Variants in PTPRD observed in about 807,000 individuals in gnomAD.
PTPRD encodes protein tyrosine phosphatase receptor type D.
PTPRD carries 34 observed loss-of-function variants against 214.5 expected under a neutral mutation model. That is an observed-to-expected ratio of 0.16 (90% CI 0.12 to 0.21). The LOEUF is 0.21. Ranked by LOEUF, PTPRD falls within the 10% of genes least tolerant of loss-of-function variation. The pLI is 1.00. For missense variants in PTPRD, 2,545 were observed against 2,398.7 expected (o/e 1.06, Z -1.27); for synonymous variants, 1,128 against 845.7 (o/e 1.33, Z -5.79).
chr9:8,632,155 G>A (rs1249807773), intron 14 of PTPRD, among the ~76,000 whole-genome samples: 1 of 151,046 alleles, frequency 6.6e-6, no homozygotes, highest in Admixed American at 6.6e-5. Context: ...GTGTCTGTGT[G>A]TGTGTGTGTT....
intron 8 of PTPRD, among the ~76,000 whole-genome samples, chr9:9,454,110 T>A (rs941703761): frequency 1.3e-5 from 2 of 151,760 alleles, no homozygotes; most frequent in Admixed American, 6.6e-5. Context: ...ATGTTTACTA[T>A]GTAAAATGAG....
At chr9:9,126,964 T>A (rs760429417) in intron 10 of PTPRD, among the ~76,000 whole-genome samples, 1 of 151,688 alleles carries the variant, frequency 6.6e-6, no homozygotes, top group Admixed American at 6.6e-5. Flanking sequence ...CAGGATGCCA[T>A]CCCATCGCAG....
At chr9:10,607,774 G>A (rs73642030) in intron 2 of PTPRD, among the ~76,000 whole-genome samples, 12,258 of 151,800 alleles carry the variant, frequency 0.081, 1,142 homozygotes, top group African/African-American at 0.22. Context: ...AGAAAAGCAA[G>A]CATTTAAAAT....
At chr9:9,827,746 G>C (rs1314141877) in intron 5 of PTPRD, among the ~76,000 whole-genome samples, 1 of 152,052 alleles carries the variant, frequency 6.6e-6, no homozygotes, top group Non-Finnish European at 1.5e-5. Context: ...GAAAATGTTT[G>C]CAATCTACTC....
intron 3 of PTPRD, among the ~76,000 whole-genome samples, chr9:10,316,167 G>GTATATATACATA (rs201245919): frequency 0.085 from 9,911 of 117,236 alleles, 754 homozygotes; most frequent in African/African-American, 0.21. Context: ...GTATATCTAT[G>GTATATATACATA]TATATATACA....
At chr9:8,979,849 T>G (rs2099298873) in intron 11 of PTPRD, among the ~76,000 whole-genome samples, 1 of 152,066 alleles carries the variant, frequency 6.6e-6, no homozygotes, top group African/African-American at 2.4e-5. Flanking sequence ...ATTACAGCAA[T>G]TCCTCTTTTG....
intron 7 of PTPRD, among the ~76,000 whole-genome samples, chr9:9,677,475 T>C (rs2096958735): frequency 2.0e-5 from 3 of 152,136 alleles, no homozygotes; most frequent in Non-Finnish European, 2.9e-5. Context: ...AGCCTTATGA[T>C]TATCTCAATA....
At chr9:8,880,680 G>T in intron 11 of PTPRD, among the ~76,000 whole-genome samples, 1 of 151,990 alleles carries the variant, frequency 6.6e-6, no homozygotes, top group East Asian at 1.9e-4. Flanking sequence ...AGCAAGAAGC[G>T]ATTATTCATA....
chr9:10,029,851 A>C (rs1239307618), intron 4 of PTPRD, among the ~76,000 whole-genome samples: 1 of 152,156 alleles, frequency 6.6e-6, no homozygotes, highest in Non-Finnish European at 1.5e-5. Context: ...GGGAGGGGCC[A>C]GGGACAGAAA....
At chr9:8,688,428 G>T (rs975348648) in intron 12 of PTPRD, among the ~76,000 whole-genome samples, 1 of 152,060 alleles carries the variant, frequency 6.6e-6, no homozygotes, top group Non-Finnish European at 1.5e-5. Flanking sequence ...AGCCGGGCGT[G>T]GTGGTGGGCG....
chr9:10,192,837 G>T (rs538049141), intron 3 of PTPRD, among the ~76,000 whole-genome samples: 1 of 151,938 alleles, frequency 6.6e-6, no homozygotes, highest in Non-Finnish European at 1.5e-5. Flanking sequence ...AGAGCAAAAC[G>T]GTACAATAGG....
At chr9:10,368,781 TG>T (rs532949433) in intron 2 of PTPRD, among the ~76,000 whole-genome samples, 56 of 152,284 alleles carry the variant, frequency 3.7e-4, no homozygotes, top group African/African-American at 1.1e-3. Context: ...AGACCTATTT[TG>T]GAATGCTAAT....
At chr9:8,783,571 T>C (rs536646010) in intron 11 of PTPRD, among the ~76,000 whole-genome samples, 2 of 152,292 alleles carry the variant, frequency 1.3e-5, no homozygotes, top group Non-Finnish European at 2.9e-5. Context: ...AACGGTGACA[T>C]TGTGACAGAA....
chr9:9,882,846 C>T (rs1416332028), intron 5 of PTPRD, among the ~76,000 whole-genome samples: 1 of 152,020 alleles, frequency 6.6e-6, no homozygotes, highest in African/African-American at 2.4e-5. Context: ...AGTGTTTCGG[C>T]CACTGGGGTG....
At chr9:9,722,185 T>C (rs769836033) in intron 7 of PTPRD, among the ~76,000 whole-genome samples, 5 of 152,018 alleles carry the variant, frequency 3.3e-5, no homozygotes, top group Non-Finnish European at 5.9e-5. Context: ...ACTACTTAAT[T>C]TTAGAACATT....
chr9:8,551,259 T>C (rs2082030121), intron 14 of PTPRD, among the ~76,000 whole-genome samples: 1 of 152,232 alleles, frequency 6.6e-6, no homozygotes, highest in South Asian at 2.1e-4. Flanking sequence ...TAAATTTTTT[T>C]TCAATTTCAG....
At chr9:10,051,279 C>G (rs1458659259) in intron 3 of PTPRD, among the ~76,000 whole-genome samples, 1 of 152,032 alleles carries the variant, frequency 6.6e-6, no homozygotes, top group Non-Finnish European at 1.5e-5. Context: ...GTAATTATTG[C>G]TCAGTACTAT....
intron 7 of PTPRD, among the ~76,000 whole-genome samples, chr9:9,706,274 C>T (rs2097604425): frequency 6.6e-6 from 1 of 151,974 alleles, no homozygotes; most frequent in Non-Finnish European, 1.5e-5. Context: ...AAAAATTCTC[C>T]TAAACAATTA....
intron 6 of PTPRD, among the ~76,000 whole-genome samples, chr9:9,738,248 A>G (rs1022444414): frequency 6.6e-6 from 1 of 152,210 alleles, no homozygotes; most frequent in East Asian, 1.9e-4. Context: ...AACTTAAAGT[A>G]TGATAAAAAC....
Sources: allele counts gnomAD v4.1 joint callset (sites outside exome capture counted in the v4.1 genomes callset), GRCh38; gene constraint gnomAD v4.1.1; transcripts MANE v1.5; gene names NCBI Gene and HGNC (gene_info 2026-07-23, HGNC 2026-07-21).